DGLUCY: variants seen among roughly 807,000 people sequenced by gnomAD.
The protein encoded by DGLUCY is D-glutamate cyclase, mitochondrial.
In DGLUCY, 58 loss-of-function variants were observed where a neutral mutation model predicts 58.5. The observed-to-expected ratio is 0.99, with a 90% CI of 0.80 to 1.23. The LOEUF (loss-of-function observed/expected upper bound fraction) is 1.23, where lower values mean the gene tolerates loss of function less well. Ranked by LOEUF, DGLUCY falls within the 50% of genes most tolerant of loss-of-function variation. The pLI, the probability that DGLUCY is intolerant of heterozygous loss-of-function variation, is 0.00. For missense variants in DGLUCY, 779 were observed against 784.7 expected (o/e 0.99, Z 0.09); for synonymous variants, 325 against 314.1 (o/e 1.03, Z -0.37).
upstream of DGLUCY, among the ~76,000 whole-genome samples, chr14:91,113,333 T>G (rs1443438605): frequency 6.6e-6 from 1 of 152,062 alleles, no homozygotes; most frequent in African/African-American, 2.4e-5. Context: ...TATACAAGAA[T>G]TTTCGACTGC....
At chr14:91,118,532 G>A (rs2045146226) in intron 1 of DGLUCY, among the ~76,000 whole-genome samples, 1 of 152,172 alleles carries the variant, frequency 6.6e-6, no homozygotes, top group South Asian at 2.1e-4. Context: ...AAGATATTTT[G>A]ATTTCCTTCT....
chr14:91,138,431 C>T (rs867262296), intron 1 of DGLUCY, among the ~76,000 whole-genome samples: 2 of 151,982 alleles, frequency 1.3e-5, no homozygotes, highest in Non-Finnish European at 2.9e-5. Flanking sequence ...GCGGAGGTTG[C>T]GGTGGGCCAA....
intron 1 of DGLUCY, among the ~76,000 whole-genome samples, chr14:91,074,445 G>A (rs934269313): frequency 6.6e-6 from 1 of 151,434 alleles, no homozygotes; most frequent in African/African-American, 2.4e-5. Context: ...GGTCTCATTG[G>A]ACTCTAGCCT....
intron 1 of DGLUCY, among the ~76,000 whole-genome samples, chr14:91,084,033 G>T (rs2044170792): frequency 6.6e-6 from 1 of 152,076 alleles, no homozygotes. Flanking sequence ...TCTCTGTCCT[G>T]TTCTTGCTGT....
intron 1 of DGLUCY, among the ~76,000 whole-genome samples, chr14:91,124,559 G>A (rs2045565801): frequency 2.0e-5 from 3 of 152,312 alleles, no homozygotes; most frequent in Admixed American, 6.5e-5. Flanking sequence ...GTGGAAGGCC[G>A]TGTTGCCCGG....
chr14:91,133,550 A>G (rs2046153582), intron 1 of DGLUCY, among the ~76,000 whole-genome samples: 1 of 152,134 alleles, frequency 6.6e-6, no homozygotes, highest in Admixed American at 6.6e-5. Flanking sequence ...TTTAATTTTT[A>G]AAAATTATAT....
At chr14:91,140,151 T>G (rs2046572136) in intron 1 of DGLUCY, among the ~76,000 whole-genome samples, 1 of 152,168 alleles carries the variant, frequency 6.6e-6, no homozygotes, top group African/African-American at 2.4e-5. Flanking sequence ...TGAACCAGGG[T>G]TCAAGTTTTT....
At chr14:91,195,677 T>TG (rs2050157466) in intron 9 of DGLUCY, among the ~76,000 whole-genome samples, 1 of 148,760 alleles carries the variant, frequency 6.7e-6, no homozygotes, top group Non-Finnish European at 1.5e-5. Flanking sequence ...TTTGTTTTTT[T>TG]TTTTTTTTTT....
chr14:91,071,859 T>C (rs112684186), intron 1 of DGLUCY, among the ~76,000 whole-genome samples: 3,195 of 143,494 alleles, frequency 0.022, 50 homozygotes, highest in Non-Finnish European at 0.036. Context: ...AGAGTGAGAC[T>C]CCATCTCAAA....
intron 1 of DGLUCY, among the ~76,000 whole-genome samples, chr14:91,153,737 C>G (rs1291247639): frequency 1.3e-5 from 2 of 152,204 alleles, no homozygotes; most frequent in Non-Finnish European, 1.5e-5. Context: ...GGCAGCCTCT[C>G]CCCTGCAAGG....
chr14:91,210,919 A>C lies in DGLUCY; in HGVS notation c.1565-4486A>C, dbSNP rs530721112. 3.5e-4 allele frequency among the ~76,000 whole-genome samples: 53 copies of C among 152,316 alleles called. 1 individual carries two copies. Among genetic ancestry groups the C allele is most frequent in the Non-Finnish European group, 6.6e-4 (45 of 68,034 alleles). Reference sequence around the variant, plus strand: ...TAAACAGATTGGGAAGGAATAAATAAAATTGTCTTTGCTTGCAGATGGCAT... The same window carrying C: ...TAAACAGATTGGGAAGGAATAAATACAATTGTCTTTGCTTGCAGATGGCAT... On this transcript the variant is annotated intron_variant, in intron 12 of 13. Coordinates refer to ENST00000256324, the MANE Select transcript of DGLUCY (RefSeq NM_001102368.3).
At chr14:91,153,647 G>A (rs937978275) in intron 1 of DGLUCY, among the ~76,000 whole-genome samples, 4 of 152,144 alleles carry the variant, frequency 2.6e-5, no homozygotes, top group East Asian at 3.8e-4. Flanking sequence ...TCTGCGTCAC[G>A]GGAACAACCT....
chr14:91,111,177 G>C (rs2044686341), upstream of DGLUCY, among the ~76,000 whole-genome samples: 1 of 148,820 alleles, frequency 6.7e-6, no homozygotes. Flanking sequence ...TTTGGCGAGG[G>C]CCCCTTTTCT....
intron 8 of DGLUCY, among the ~76,000 whole-genome samples, chr14:91,187,243 CCA>C (rs1206659265): frequency 6.6e-6 from 1 of 152,092 alleles, no homozygotes; most frequent in African/African-American, 2.4e-5. Context: ...CGTGATCCAC[CCA>C]CCTCAGGCTC....
At chr14:91,154,928 C>T (rs1272192614) in intron 1 of DGLUCY, among the ~76,000 whole-genome samples, 1 of 152,186 alleles carries the variant, frequency 6.6e-6, no homozygotes, top group Non-Finnish European at 1.5e-5. Flanking sequence ...CCACCTCCTG[C>T]CTTGTGTCAG....
chr14:91,111,879 A>G (rs1338887882), upstream of DGLUCY, among the ~76,000 whole-genome samples: 5 of 152,180 alleles, frequency 3.3e-5, no homozygotes, highest in South Asian at 1.0e-3. Context: ...TATGTATCAC[A>G]TGTTGTTTAC....
At chr14:91,133,990 A>G (rs1675069226) in intron 1 of DGLUCY, among the ~76,000 whole-genome samples, 1 of 152,062 alleles carries the variant, frequency 6.6e-6, no homozygotes, top group Non-Finnish European at 1.5e-5. Context: ...TGGACTATTC[A>G]TTTGTTTTTT....
chr14:91,164,201 C>T (rs904272344), intron 3 of DGLUCY, among the ~76,000 whole-genome samples: 8 of 152,120 alleles, frequency 5.3e-5, no homozygotes, highest in South Asian at 2.1e-4. Context: ...CTGCCAACCT[C>T]GGCCTCCCAA....
intron 9 of DGLUCY, among the ~76,000 whole-genome samples, chr14:91,192,536 G>A (rs764270712): frequency 2.0e-5 from 3 of 152,166 alleles, no homozygotes; most frequent in Non-Finnish European, 4.4e-5. Flanking sequence ...TTGGGAGACC[G>A]AGACAGGCAG....
Sources: gnomAD v4.1 joint callset for allele counts (sites outside exome capture counted in the v4.1 genomes callset) on GRCh38, gnomAD v4.1.1 for gene constraint, MANE v1.5 for transcripts, NCBI Gene and HGNC (gene_info 2026-07-23, HGNC 2026-07-21) for gene names.